Variants in IRF2 observed in about 807,000 individuals in gnomAD.
IRF2 encodes the protein interferon regulatory factor 2.
Under a neutral mutation model 40.6 loss-of-function variants are expected in IRF2, and 15 were observed. The observed-to-expected ratio is 0.37, with a 90% confidence interval of 0.25 to 0.57. IRF2 has a LOEUF of 0.57. Among genes scored for constraint, IRF2 ranks in the 20% least tolerant of loss-of-function variants. IRF2 has a pLI of 0.77. For missense variants in IRF2, 317 were observed against 455.7 expected (o/e 0.70, Z 2.77); for synonymous variants, 151 against 165.5 (o/e 0.91, Z 0.67).
chr4:184,405,126 C>T (rs567998720), intron 6 of IRF2, among the ~76,000 whole-genome samples: 1 of 152,310 alleles, frequency 6.6e-6, no homozygotes, highest in East Asian at 1.9e-4. Context: ...TCCCTGTAAT[C>T]CCAGCTACTT....
intron 6 of IRF2, among the ~76,000 whole-genome samples, chr4:184,399,318 G>A (rs1736584420): frequency 6.6e-6 from 1 of 152,166 alleles, no homozygotes; most frequent in African/African-American, 2.4e-5. Context: ...CCAATGGCAC[G>A]CACGGTGGCC....
At chr4:184,418,365 G>A in intron 4 of IRF2, 152 bp from the exon 5 acceptor site, 2 of 921,972 alleles carry the variant, frequency 2.2e-6, no homozygotes, top group Non-Finnish European at 3.5e-6. Context: ...CACTGCCTCT[G>A]GTGAATCGAA....
intron 6 of IRF2, among the ~76,000 whole-genome samples, 183 bp from the exon 7 acceptor site, chr4:184,399,262 C>T (rs1029591703): frequency 1.3e-5 from 2 of 152,224 alleles, no homozygotes; most frequent in Admixed American, 1.3e-4. Context: ...TCCCAGGGAG[C>T]AGCCGGCCAG....
At chr4:184,419,591 A>T (rs1737407237) in intron 2 of IRF2, 23 bp from the exon 3 acceptor site, 1 of 1,382,938 alleles carries the variant, frequency 7.2e-7, no homozygotes, top group Non-Finnish European at 1.0e-6. Flanking sequence ...AAAAAAAAAA[A>T]GGTAAAGAAC....
intron 1 of IRF2, among the ~76,000 whole-genome samples, chr4:184,452,076 C>T (rs2038901784): frequency 6.6e-6 from 1 of 152,192 alleles, no homozygotes; most frequent in South Asian, 2.1e-4. Context: ...CCTACACAAT[C>T]TCTGTAAAAC....
At chr4:184,410,605 C>T (rs1312500756) in intron 5 of IRF2, among the ~76,000 whole-genome samples, 3 of 152,184 alleles carry the variant, frequency 2.0e-5, no homozygotes, top group Non-Finnish European at 4.4e-5. Flanking sequence ...TCTTCAACTC[C>T]CTCAAAAAGA....
At chr4:184,472,222 T>C (rs1739536365) in intron 1 of IRF2, 2 of 152,146 alleles carry the variant, frequency 1.3e-5, no homozygotes, top group Non-Finnish European at 2.9e-5. Context: ...CTTCTCCCAC[T>C]AAAAGAAGAA....
In IRF2 at chr4:184,429,118, G is replaced by A. The variant is rs374610069; in HGVS notation, c.-6-48C>T. 1.0e-3 allele frequency: 1,473 copies of A among 1,458,468 alleles called. 5 individuals are homozygous for A. Among genetic ancestry groups the A allele is most frequent in the South Asian group, 1.7e-3 (147 of 87,610 alleles). The allele number at this position is 1,458,468 out of a possible 1,614,324, so 90.3% of individuals were successfully genotyped here. A position where few individuals can be genotyped will look rare whatever the true frequency, so the allele number is the denominator to read the frequency against. On this transcript the variant is annotated intron_variant, in intron 1 of 8. Coordinates refer to ENST00000393593, the MANE Select transcript of IRF2 (RefSeq NM_002199.4). Reference sequence around the variant, plus strand: ...TCAGGCGTTGGTGCCACTCAGTGTGGTGTCTGCACTGCAGAGTTCTACACC... The same window carrying A: ...TCAGGCGTTGGTGCCACTCAGTGTGATGTCTGCACTGCAGAGTTCTACACC...
Position 184,467,538 on chromosome 4 carries a change from A to G in IRF2, c.-7+6841T>C, listed in dbSNP as rs1350842473. On this transcript the variant is annotated intron_variant, in intron 1 of 8. Coordinates refer to ENST00000393593, the MANE Select transcript of IRF2 (RefSeq NM_002199.4). ...AATTCTTTCAAAAATAACATGGTAG[A>G]TATTACTTGAAATAAAGCAATTTGT... 2.0e-5 allele frequency among the ~76,000 whole-genome samples: 3 copies of G among 152,258 alleles called. No individual in the cohort carries two copies. The East Asian group carries it at 5.8e-4, about 29-fold the overall frequency.
At chr4:184,401,944 A>T (rs1642757792) in intron 6 of IRF2, among the ~76,000 whole-genome samples, 1 of 152,184 alleles carries the variant, frequency 6.6e-6, no homozygotes, top group Non-Finnish European at 1.5e-5. Flanking sequence ...CCCTAGTCAG[A>T]TCCCTTTGTT....
chr4:184,419,647 C>T (rs2149900718), intron 2 of IRF2, 79 bp from the exon 3 acceptor site: 1 of 952,878 alleles, frequency 1.0e-6, no homozygotes, highest in African/African-American at 1.7e-5. Flanking sequence ...TTGTGAAGGT[C>T]TAGCCAGCAA....
chr4:184,433,541 G>C (rs940709946), intron 1 of IRF2, among the ~76,000 whole-genome samples: 2 of 152,148 alleles, frequency 1.3e-5, no homozygotes, highest in African/African-American at 4.8e-5. Flanking sequence ...CTTCAATCAG[G>C]ACTGTTACTA....
chr4:184,452,801 A>G (rs1232119318), intron 1 of IRF2, among the ~76,000 whole-genome samples: 1 of 149,940 alleles, frequency 6.7e-6, no homozygotes, highest in Non-Finnish European at 1.5e-5. Flanking sequence ...AAAAAGGGAA[A>G]GAAAGAAAGA....
intron 1 of IRF2, chr4:184,449,029 C>T (rs3775575): frequency 0.47 from 71,810 of 152,212 alleles, 20,094 homozygotes; most frequent in Middle Eastern, 0.61. Context: ...GCACACAGCA[C>T]TGTCCAAGAA....
At chr4:184,458,583 C>A (rs1739025913) in intron 1 of IRF2, among the ~76,000 whole-genome samples, 1 of 152,174 alleles carries the variant, frequency 6.6e-6, no homozygotes, top group Admixed American at 6.5e-5. Flanking sequence ...TGCCCCAAGC[C>A]TGAAGAGAAT....
intron 6 of IRF2, among the ~76,000 whole-genome samples, chr4:184,402,995 C>A (rs546703123): frequency 6.6e-6 from 1 of 152,108 alleles, no homozygotes; most frequent in Non-Finnish European, 1.5e-5. Flanking sequence ...ATCCTGAATG[C>A]GGCTGACCAG....
intron 1 of IRF2, among the ~76,000 whole-genome samples, chr4:184,436,489 T>C (rs897052368): frequency 3.9e-5 from 6 of 152,162 alleles, no homozygotes; most frequent in African/African-American, 1.4e-4. Context: ...AATAAAAGAC[T>C]ATGCAATAAA....
At chr4:184,451,188 A>G (rs1418976167) in intron 1 of IRF2, among the ~76,000 whole-genome samples, 5 of 152,254 alleles carry the variant, frequency 3.3e-5, no homozygotes, top group Non-Finnish European at 7.3e-5. Context: ...TGAAGAAAGA[A>G]GAAACTCTAA....
At chr4:184,422,002 T>C (rs1737500881) in intron 2 of IRF2, among the ~76,000 whole-genome samples, 2 of 152,096 alleles carry the variant, frequency 1.3e-5, no homozygotes, top group African/African-American at 4.8e-5. Flanking sequence ...TGGTAATGAG[T>C]AAGCTCTCAC....
Sources: allele counts gnomAD v4.1 joint callset (sites outside exome capture counted in the v4.1 genomes callset), GRCh38; gene constraint gnomAD v4.1.1; transcripts MANE v1.5; gene names NCBI Gene and HGNC (gene_info 2026-07-23, HGNC 2026-07-21).